Variants in NOVA1 observed in about 807,000 individuals in gnomAD.
NOVA1 encodes RNA-binding protein Nova-1.
In NOVA1, 7 loss-of-function variants were observed where a neutral mutation model predicts 38.0. That is an observed-to-expected ratio of 0.18 (90% CI 0.10 to 0.35). The LOEUF is 0.35. Among genes scored for constraint, NOVA1 ranks in the 10% least tolerant of loss-of-function variants. NOVA1 has a pLI of 1.00. For missense variants in NOVA1, 460 were observed against 616.0 expected, an observed-to-expected ratio of 0.75 and a Z score of 2.68; for synonymous variants, 270 against 232.5, an observed-to-expected ratio of 1.16 and a Z score of -1.47.
At chr14:26,579,053 CTTTTTTTTTTTT>C (rs869075814) in intron 2 of NOVA1, among the ~76,000 whole-genome samples, 2 of 80,076 alleles carry the variant, frequency 2.5e-5, no homozygotes, top group African/African-American at 1.1e-4. Context: ...AGGTGGTATT[CTTTTTTTTTTTT>C]TTTTTTTTTT....
At chr14:26,547,065 G>A (rs186777239) in intron 2 of NOVA1, among the ~76,000 whole-genome samples, 180 of 152,202 alleles carry the variant, frequency 1.2e-3, no homozygotes, top group African/African-American at 4.1e-3. Context: ...TATAATTTAT[G>A]CATTTGCTTC....
At chr14:26,595,026 AC>A (rs1269869594) in intron 2 of NOVA1, among the ~76,000 whole-genome samples, 2 of 151,816 alleles carry the variant, frequency 1.3e-5, no homozygotes, top group Non-Finnish European at 2.9e-5. Flanking sequence ...AAGCCTCCCT[AC>A]CCCCCTCTTC....
At chr14:26,523,752 T>TTTC (rs1436947721) in intron 2 of NOVA1, among the ~76,000 whole-genome samples, 4 of 146,604 alleles carry the variant, frequency 2.7e-5, no homozygotes, top group African/African-American at 1.0e-4. Flanking sequence ...TTGAAGATTT[T>TTTC]TTTTTTTTTT....
rs1397705871 is a variant in NOVA1, at chr14:26,444,311, T to C, written c.*3648A>G. On this transcript the variant is annotated 3_prime_UTR_variant, in exon 5 of 5. Transcript: ENST00000539517. The stretch of plus-strand genomic sequence containing the variant: ...AAAAACGGGGATAAAATTTATCAGA[T>C]TCTTGATAGCACCATTTACACATTC... 4 of 152,282 alleles carry C rather than the reference T, an allele frequency of 2.6e-5. No individual in the cohort carries two copies. Among genetic ancestry groups the C allele is most frequent in the African/African-American group, 4.8e-5 (2 of 41,570 alleles). 9.4% of individuals were successfully genotyped at this position (152,282 alleles called of 1,614,324 possible).
intron 2 of NOVA1, among the ~76,000 whole-genome samples, chr14:26,567,440 C>T (rs1330883131): frequency 6.6e-6 from 1 of 151,726 alleles, no homozygotes; most frequent in Non-Finnish European, 1.5e-5. Context: ...GGACTACAGG[C>T]ACGCGTGACC....
chr14:26,462,859 C>G lies in NOVA1; in HGVS notation c.519+9461G>C, dbSNP rs183385220. Among the ~76,000 whole-genome samples, 3 of 152,250 alleles carry G rather than the reference C, an allele frequency of 2.0e-5. No homozygotes were observed. The East Asian group carries it at 5.8e-4, about 29-fold the overall frequency. ...CCTTAAAACATTGCATATACCACAACTGAAATAAGGATTTGTTTTCCATTA... is the reference window on the plus strand; with the variant it reads ...CCTTAAAACATTGCATATACCACAAGTGAAATAAGGATTTGTTTTCCATTA... On this transcript the variant is annotated intron_variant, in intron 4 of 4. Transcript: ENST00000539517.
intron 2 of NOVA1, among the ~76,000 whole-genome samples, chr14:26,531,270 C>T (rs1053525653): frequency 3.3e-5 from 5 of 152,032 alleles, no homozygotes; most frequent in African/African-American, 1.2e-4. Context: ...GTAACATGAC[C>T]TCAAAATGAA....
At chr14:26,564,851 A>G (rs1892039364) in intron 2 of NOVA1, among the ~76,000 whole-genome samples, 2 of 152,194 alleles carry the variant, frequency 1.3e-5, no homozygotes, top group African/African-American at 4.8e-5. Context: ...TGTGAGATAA[A>G]AAGATACACT....
intron 2 of NOVA1, among the ~76,000 whole-genome samples, chr14:26,490,090 G>A (rs1455321539): frequency 6.6e-6 from 1 of 151,732 alleles, no homozygotes; most frequent in Non-Finnish European, 1.5e-5. Flanking sequence ...TAGATATTTC[G>A]TATAAATGGA....
At chr14:26,520,674 C>T (rs373066384) in intron 2 of NOVA1, among the ~76,000 whole-genome samples, 4 of 152,192 alleles carry the variant, frequency 2.6e-5, no homozygotes, top group South Asian at 4.1e-4. Flanking sequence ...TTGCAAAGCA[C>T]TTGTGAGTAC....
At chr14:26,497,168 C>A (rs1208453145) in intron 2 of NOVA1, among the ~76,000 whole-genome samples, 1 of 152,000 alleles carries the variant, frequency 6.6e-6, no homozygotes, top group African/African-American at 2.4e-5. Flanking sequence ...AAACAGAGAG[C>A]CAAATCATGA....
chr14:26,557,807 C>G (rs1372144734), intron 2 of NOVA1, among the ~76,000 whole-genome samples: 1 of 151,996 alleles, frequency 6.6e-6, no homozygotes, highest in Non-Finnish European at 1.5e-5. Context: ...CGAAAACTTG[C>G]ACACAAAAGT....
chr14:26,469,343 A>T (rs1315648532), intron 4 of NOVA1, among the ~76,000 whole-genome samples: 1 of 152,214 alleles, frequency 6.6e-6, no homozygotes, highest in African/African-American at 2.4e-5. Flanking sequence ...GAAATATTTT[A>T]GAGTTGAAAA....
intron 2 of NOVA1, among the ~76,000 whole-genome samples, chr14:26,490,345 T>C (rs1886238863): frequency 6.6e-6 from 1 of 152,202 alleles, no homozygotes; most frequent in African/African-American, 2.4e-5. Context: ...GTGCTTGTTC[T>C]CAATTATTCT....
intron 3 of NOVA1, 33 bp from the exon 4 acceptor site, chr14:26,472,424 C>A (rs768336949): frequency 9.8e-7 from 1 of 1,019,598 alleles, no homozygotes. Flanking sequence ...AGCAAATCAA[C>A]CTTTATAAGC....
In NOVA1 at chr14:26,447,917, G is replaced by A; in HGVS notation, c.*42C>T. On this transcript the variant is annotated 3_prime_UTR_variant, in exon 5 of 5. Coordinates refer to ENST00000539517, the MANE Select transcript of NOVA1 (RefSeq NM_002515.3). The stretch of plus-strand genomic sequence containing the variant: ...ACAGTACATCCTTCTTGAAAATGGG[G>A]TAAAGGAGGGGTTAAAACAATCTGA... The A allele has an allele frequency of 6.6e-7, 1 of 1,521,288 alleles. No homozygotes were observed. The highest frequency in any genetic ancestry group is 9.1e-7 in the Non-Finnish European group (1 of 1,099,182). 94.2% of individuals were successfully genotyped at this position (1,521,288 alleles called of 1,614,324 possible).
At chr14:26,456,773 T>C (rs1397706453) in intron 4 of NOVA1, among the ~76,000 whole-genome samples, 1 of 151,986 alleles carries the variant, frequency 6.6e-6, no homozygotes, top group Non-Finnish European at 1.5e-5. Flanking sequence ...AATGTATTAG[T>C]ACACTGTACA....
intron 4 of NOVA1, among the ~76,000 whole-genome samples, chr14:26,452,615 T>C (rs1204024283): frequency 6.6e-6 from 1 of 152,234 alleles, no homozygotes; most frequent in Non-Finnish European, 1.5e-5. Context: ...TGAAGTCTGC[T>C]AATGCTCTGG....
chr14:26,476,147 T>C (rs534029735), intron 3 of NOVA1, among the ~76,000 whole-genome samples: 48 of 152,326 alleles, frequency 3.2e-4, no homozygotes, highest in Middle Eastern at 6.8e-3. Context: ...CTGTCATCTT[T>C]AGTTTTTAAT....
Sources: gnomAD v4.1 joint callset for allele counts (sites outside exome capture counted in the v4.1 genomes callset) on GRCh38, gnomAD v4.1.1 for gene constraint, MANE v1.5 for transcripts, NCBI Gene and HGNC (gene_info 2026-07-23, HGNC 2026-07-21) for gene names.